Variants in PTCD3 observed in about 807,000 individuals in gnomAD.
The protein encoded by PTCD3 is pentatricopeptide repeat domain 3.
Under a neutral mutation model 101.9 loss-of-function variants are expected in PTCD3, and 89 were observed. The observed-to-expected ratio is 0.87, with a 90% CI of 0.74 to 1.04. The LOEUF (loss-of-function observed/expected upper bound fraction) is 1.04. Ranked by LOEUF, PTCD3 falls within the 50% of genes least tolerant of loss-of-function variation. PTCD3 has a pLI of 0.00. For missense variants in PTCD3, 870 were observed against 828.2 expected (o/e 1.05, Z -0.62); for synonymous variants, 296 against 278.5 (o/e 1.06, Z -0.63).
chr2:86,110,599 G>T (rs1244607885), intron 3 of PTCD3, among the ~76,000 whole-genome samples: 11 of 152,166 alleles, frequency 7.2e-5, no homozygotes, highest in Non-Finnish European at 7.3e-5. Flanking sequence ...CGTTATATAT[G>T]GTTGAGAGGT....
chr2:86,122,757 A>C (rs1197481346), intron 8 of PTCD3, among the ~76,000 whole-genome samples: 1 of 152,222 alleles, frequency 6.6e-6, no homozygotes, highest in Non-Finnish European at 1.5e-5. Context: ...TTAAAAGTGC[A>C]TAGGCAGTAG....
chr2:86,107,668 C>T (rs1356366728), intron 1 of PTCD3, among the ~76,000 whole-genome samples: 1 of 152,174 alleles, frequency 6.6e-6, no homozygotes, highest in Non-Finnish European at 1.5e-5. Flanking sequence ...TAGAAAATAT[C>T]AGCAATTCCA....
intron 22 of PTCD3, 48 bp from the exon 23 acceptor site, chr2:86,136,934 T>G (rs775760910): frequency 6.2e-7 from 1 of 1,607,404 alleles, no homozygotes; most frequent in South Asian, 1.1e-5. Flanking sequence ...CTATAAATGT[T>G]TTACTGAAGG....
At chr2:86,111,281 C>T in intron 4 of PTCD3, 123 bp downstream of exon 4, 1 of 973,040 alleles carries the variant, frequency 1.0e-6, no homozygotes, top group Middle Eastern at 3.3e-4. Flanking sequence ...TGTTGTGCGT[C>T]TAGAAAGTTT....
intron 3 of PTCD3, among the ~76,000 whole-genome samples, chr2:86,110,594 T>C (rs1217584324): frequency 1.3e-5 from 2 of 152,178 alleles, no homozygotes; most frequent in African/African-American, 4.8e-5. Flanking sequence ...CATAACGTTA[T>C]ATATGGTTGA....
intron 7 of PTCD3, among the ~76,000 whole-genome samples, chr2:86,121,180 A>G (rs1419020821): frequency 2.6e-5 from 4 of 152,182 alleles, no homozygotes; most frequent in Admixed American, 6.5e-5. Flanking sequence ...TTTGGTGATG[A>G]TAATTAAAAC....
intron 19 of PTCD3, 56 bp downstream of exon 19, chr2:86,133,492 G>C (rs990952247): frequency 2.8e-6 from 4 of 1,451,004 alleles, no homozygotes; most frequent in Non-Finnish European, 3.8e-6. Context: ...CCTCTACTTT[G>C]ATAATGAATG....
At position 86,131,069 on chromosome 2, in the gene PTCD3, G is replaced by A. The variant is rs748695185; in HGVS notation, c.1238-9G>A. On this transcript the variant is annotated splice_polypyrimidine_tract_variant and intron_variant, in intron 15 of 23. Transcript: ENST00000254630. ...TGTAACCAAAGCTCTTGTGAACTTT[G>A]ATTTTCAGATAAGTTTTTTCAGTCA... 3.1e-6 allele frequency: 5 copies of A among 1,602,264 alleles called. No homozygotes were observed. The highest frequency in any genetic ancestry group is 1.1e-5 in the South Asian group (1 of 88,546).
rs766443840 is a variant in PTCD3 at position 86,141,404 on chromosome 2, T to C, written c.*3845T>C. ...TTAATACGCCTTTTTATTTCCCTTCTGTGTTAAATCAAATGATCTGTTCTG... is the reference window on the plus strand; with the variant it reads ...TTAATACGCCTTTTTATTTCCCTTCCGTGTTAAATCAAATGATCTGTTCTG... On this transcript the variant is annotated 3_prime_UTR_variant, in exon 24 of 24. Coordinates refer to ENST00000254630, the MANE Select transcript of PTCD3 (RefSeq NM_017952.6). 3.3e-5 allele frequency: 5 copies of C among 152,276 alleles called. No homozygotes were observed. The highest frequency in any genetic ancestry group is 5.9e-5 in the Non-Finnish European group (4 of 68,102). 9.4% of individuals were successfully genotyped at this position (152,276 alleles called of 1,614,324 possible). A position where few individuals can be genotyped will look rare whatever the true frequency, so the allele number is the denominator to read the frequency against.
chr2:86,126,793 C>T (rs1397232438), intron 12 of PTCD3, among the ~76,000 whole-genome samples: 1 of 150,886 alleles, frequency 6.6e-6, no homozygotes, highest in Non-Finnish European at 1.5e-5. Flanking sequence ...GCCAAGATCG[C>T]ACCACTGCAC....
chr2:86,134,520 C>T, intron 20 of PTCD3, 143 bp downstream of exon 20: 1 of 708,124 alleles, frequency 1.4e-6, no homozygotes, highest in Non-Finnish European at 2.4e-6. Context: ...CATATCTTGC[C>T]CTTAGCAGAA....
chr2:86,106,560 C>T (rs1346394412), intron 1 of PTCD3, among the ~76,000 whole-genome samples: 2 of 152,214 alleles, frequency 1.3e-5, no homozygotes, highest in African/African-American at 4.8e-5. Context: ...TTATTGGTTG[C>T]TTGCAATATT....
At chr2:86,115,243 A>C (rs12624126) in intron 4 of PTCD3, among the ~76,000 whole-genome samples, 4,809 of 152,244 alleles carry the variant, frequency 0.032, 147 homozygotes, top group East Asian at 0.15. Flanking sequence ...CTTTTCTGCA[A>C]AATATCAAAA....
rs181647881 is a variant in PTCD3, at chr2:86,135,746, G to A, written c.1778+759G>A. ...TCAGCTATCTCCAGGAAAAGATGATGAAGGCTTGTCTTTGAGGTGTGGCTC... is the reference window on the plus strand; with the variant it reads ...TCAGCTATCTCCAGGAAAAGATGATAAAGGCTTGTCTTTGAGGTGTGGCTC... On this transcript the variant is annotated intron_variant, in intron 21 of 23. Transcript: ENST00000254630. 1.2e-5 allele frequency: 4 copies of A among 337,878 alleles called. No individual in the cohort carries two copies. In the Admixed American group the frequency reaches 1.8e-4, roughly 15 times the overall value. The allele number at this position is 337,878 out of a possible 1,614,324, so 20.9% of individuals were successfully genotyped here.
Position 86,133,347 on chromosome 2 carries a change from C to G in PTCD3, c.1454C>G (p.Ala485Gly). The G allele has an allele frequency of 1.2e-6, 2 of 1,614,088 alleles. No homozygotes were observed. The highest frequency in any genetic ancestry group is 2.2e-5 in the East Asian group (1 of 44,870). Residue 485 changes from alanine (A) to glycine (G), a missense_variant and splice_region_variant, in exon 19 of 24, where the codon GCC becomes GGC. Transcript: ENST00000254630. ...LKWYEDLIPS[A>G]YFPHSQTMIH... Reference sequence around the variant, plus strand: ...TAAAAATGTGTTTCTCTTAATCAGGCCTACTTTCCCCACTCCCAAACAATG... The same window carrying G: ...TAAAAATGTGTTTCTCTTAATCAGGGCTACTTTCCCCACTCCCAAACAATG...
At chr2:86,136,797 G>A in intron 22 of PTCD3, 185 bp from the exon 23 acceptor site, 1 of 824,602 alleles carries the variant, frequency 1.2e-6, no homozygotes, top group Non-Finnish European at 2.0e-6. Flanking sequence ...AATGAATGTT[G>A]ATAATCCATT....
At chr2:86,126,948 A>G (rs1244497813) in intron 12 of PTCD3, among the ~76,000 whole-genome samples, 2 of 152,236 alleles carry the variant, frequency 1.3e-5, no homozygotes, top group East Asian at 1.9e-4. Context: ...GACCACCTCT[A>G]TCAAGTGGGG....
intron 4 of PTCD3, among the ~76,000 whole-genome samples, chr2:86,113,135 CAAAT>C (rs1320576644): frequency 6.6e-6 from 1 of 152,148 alleles, no homozygotes; most frequent in African/African-American, 2.4e-5. Context: ...GAATTATTAA[CAAAT>C]GAATTAAGTA....
At chr2:86,125,220 C>G in intron 10 of PTCD3, 138 bp downstream of exon 10, 2 of 1,375,684 alleles carry the variant, frequency 1.5e-6, no homozygotes, top group Non-Finnish European at 9.7e-7. Context: ...AGCTCCCTGG[C>G]TTCTACCCAC....
Sources: gnomAD v4.1 joint callset for allele counts (sites outside exome capture counted in the v4.1 genomes callset) on GRCh38, gnomAD v4.1.1 for gene constraint, MANE v1.5 for transcripts, NCBI Gene and HGNC (gene_info 2026-07-23, HGNC 2026-07-21) for gene names.